The following RFX1 variants were observed in gnomAD, a reference collection of about 807,000 sequenced individuals.
RFX1 encodes regulatory factor X1.
Under a neutral mutation model 119.6 loss-of-function variants are expected in RFX1, and 42 were observed. The ratio of observed to expected loss-of-function variants is 0.35; its 90% CI spans 0.27 to 0.45. The LOEUF is 0.45. RFX1 is among the 20% of genes least tolerant of loss of function. The pLI is 1.00. For missense variants in RFX1, 1,118 were observed against 1,368.1 expected, an observed-to-expected ratio of 0.82 and a Z score of 2.88; for synonymous variants, 628 against 618.5, an observed-to-expected ratio of 1.02 and a Z score of -0.23.
chr19:13,996,410 G>A (rs755690219), intron 1 of RFX1, among the ~76,000 whole-genome samples: 5 of 152,228 alleles, frequency 3.3e-5, no homozygotes, highest in Non-Finnish European at 7.3e-5. Context: ...GCACCCATGT[G>A]CCACGATGTG....
chr19:13,990,183 G>A lies in RFX1; in HGVS notation c.319+3342C>T, dbSNP rs1292834070. ...GGGAGAACTACAGGAGCTAAGAGAG[G>A]TTCCCAGGTCTGAGTCTGGGGCTCC... On this transcript the variant is annotated intron_variant, in intron 2 of 20. Coordinates refer to ENST00000254325, the MANE Select transcript of RFX1 (RefSeq NM_002918.5). This position sits in a 1 kb window ranked among gnomAD's most constrained non-coding sequence, Gnocchi z 4.1. Among the ~76,000 whole-genome samples, 1 of 152,142 alleles carries A rather than the reference G, an allele frequency of 6.6e-6. No individual in the cohort carries two copies. Among genetic ancestry groups the A allele is most frequent in the Non-Finnish European group, 1.5e-5 (1 of 68,038 alleles).
In RFX1 at chr19:13,969,898, C is replaced by A. The variant is rs138556186; in HGVS notation, c.1496+96G>T. ...CCTCGCAGAGGCCGGCGGGACTGGG[C>A]TGGACTGGACTGCCTGAGATGACTC... On this transcript the variant is annotated intron_variant, in intron 10 of 20. Transcript: ENST00000254325. This position sits in a 1 kb window ranked among gnomAD's most constrained non-coding sequence, Gnocchi z 4.5. The A allele has an allele frequency of 9.8e-4, 1,270 of 1,299,896 alleles. No individual in the cohort carries two copies. Among genetic ancestry groups the A allele is most frequent in the Admixed American group, 1.2e-3 (48 of 39,374 alleles). 80.5% of individuals were successfully genotyped at this position (1,299,896 alleles called of 1,614,324 possible).
chr19:13,998,999 G>C (rs563365684), intron 1 of RFX1, among the ~76,000 whole-genome samples: 6 of 152,262 alleles, frequency 3.9e-5, no homozygotes, highest in African/African-American at 1.4e-4. Flanking sequence ...GTGGGAGATC[G>C]AGGAACAACT....
rs1250179599 is a variant in RFX1, at chr19:13,980,012, C to T, written c.739-470G>A. Among the ~76,000 whole-genome samples the T allele has an allele frequency of 6.6e-6, 1 of 151,664 alleles. No individual in the cohort carries two copies. The highest frequency in any genetic ancestry group is 1.5e-5 in the Non-Finnish European group (1 of 67,900). On this transcript the variant is annotated intron_variant, in intron 6 of 20. Coordinates refer to ENST00000254325, the MANE Select transcript of RFX1 (RefSeq NM_002918.5). The surrounding 1 kb of genome is among the most constrained non-coding windows in gnomAD (Gnocchi z 5.1). ...GGTTCGGGGGGGCTCTAGTGCCAGG[C>T]GGGGGAGTATCTGTGAAACCTCTGG...
intron 8 of RFX1, among the ~76,000 whole-genome samples, chr19:13,976,819 C>T (rs367586148): frequency 5.3e-5 from 8 of 151,618 alleles, no homozygotes; most frequent in Admixed American, 2.0e-4. Context: ...GCCTGGGCAA[C>T]GTGGCAAAAC....
chr19:13,967,327 A>G (rs1973934832), intron 12 of RFX1, among the ~76,000 whole-genome samples: 4 of 149,784 alleles, frequency 2.7e-5, no homozygotes, highest in Admixed American at 2.7e-4. Context: ...GTTTTCATGG[A>G]TTGTTGTTTA....
intron 1 of RFX1, among the ~76,000 whole-genome samples, chr19:13,994,930 ATATATAT>A (rs1974955023): frequency 1.0e-4 from 12 of 116,998 alleles, no homozygotes; most frequent in African/African-American, 3.7e-4. Flanking sequence ...ATATATATAT[ATATATAT>A]AATCATTTTT....
chr19:13,963,022 G>A lies in RFX1; in HGVS notation c.2742C>T (p.Thr914=), dbSNP rs781517197. Residue 914 remains threonine (T), a synonymous_variant, in exon 20 of 21, where the codon ACC becomes ACT. Transcript: ENST00000254325. The part of the protein sequence containing the change: ...AVMGEFANLA[T]SLNPLDPDKD... The stretch of plus-strand genomic sequence containing the variant: ...TGTCGGGGTCCAGGGGGTTCAGGGA[G>A]GTGGCCAGATTGGCGAACTGGAGGA... The A allele has an allele frequency of 2.6e-5, 40 of 1,556,150 alleles. No homozygotes were observed. The highest frequency in any genetic ancestry group is 5.2e-6 in the Non-Finnish European group (6 of 1,149,626).
At chr19:14,006,438 C>G (rs73519607), upstream of RFX1, 43 of 152,374 alleles carry the variant, frequency 2.8e-4, no homozygotes, top group African/African-American at 1.0e-3. Flanking sequence ...TTCCGATGCA[C>G]GCTTTTCAAC....
Position 13,968,534 on chromosome 19 carries a change from G to T in RFX1, c.1732+31C>A. On this transcript the variant is annotated intron_variant, in intron 12 of 20. Transcript: ENST00000254325. The surrounding 1 kb of genome is among the most constrained non-coding windows in gnomAD (Gnocchi z 5.5). ...GTCTGCACGGGGCAGGGAGGCGGTG[G>T]TTGGGGAAGCACGGGCCAGGGAGCT... 6.4e-7 allele frequency: 1 copy of T among 1,556,208 alleles called. No individual in the cohort carries two copies. Among genetic ancestry groups the T allele is most frequent in the Non-Finnish European group, 8.9e-7 (1 of 1,128,164 alleles).
In RFX1 at chr19:13,983,576, G is replaced by A. The variant is rs1208165047; in HGVS notation, c.339C>T (p.Ser113=). The A allele has an allele frequency of 3.7e-6, 6 of 1,606,382 alleles. No individual in the cohort carries two copies. The highest frequency in any genetic ancestry group is 2.2e-5 in the East Asian group (1 of 44,728). Residue 113 remains serine (S), a synonymous_variant, in exon 3 of 21, where the codon AGC becomes AGT. Coordinates refer to ENST00000254325, the MANE Select transcript of RFX1 (RefSeq NM_002918.5). ...CGGGGCTGGCCTCCGACACTGTCTCGCTGGCCCGCATGGCACCTTCTGTGG... is the reference window on the plus strand; with the variant it reads ...CGGGGCTGGCCTCCGACACTGTCTCACTGGCCCGCATGGCACCTTCTGTGG... ...VTVSEGAMRA[S]ETVSEASPGS...
At chr19:13,989,137 G>A (rs986113752) in intron 2 of RFX1, among the ~76,000 whole-genome samples, 2 of 152,082 alleles carry the variant, frequency 1.3e-5, no homozygotes, top group Non-Finnish European at 2.9e-5. Context: ...CAAGCTCCCA[G>A]AGGGTCTGGG....
chr19:13,963,743 G>C lies in RFX1; in HGVS notation c.2365C>G (p.Gln789Glu), dbSNP rs1199963737. Residue 789 changes from glutamine (Q) to glutamate (E), a missense_variant, in exon 18 of 21, where the codon CAG (glutamine) becomes GAG (glutamate). Coordinates refer to ENST00000254325, the MANE Select transcript of RFX1 (RefSeq NM_002918.5). ...TCGCAGCGGCACACCCACGAGGCCT[G>C]CTCCTGGGGCACAGAGGGTGGGCGG... ...NRVDFANVQE[Q>E]ASWVCRCEDR... The C allele has an allele frequency of 1.9e-6, 3 of 1,582,024 alleles. No homozygotes were observed. Among genetic ancestry groups the C allele is most frequent in the Non-Finnish European group, 2.6e-6 (3 of 1,165,860 alleles).
Position 13,985,092 on chromosome 19 carries a change from A to G in RFX1, c.320-1497T>C, listed in dbSNP as rs1818453692. On this transcript the variant is annotated intron_variant, in intron 2 of 20. Transcript: ENST00000254325. The surrounding 1 kb of genome is among the most constrained non-coding windows in gnomAD (Gnocchi z 4.3). ...GCCCAGGCTGGTCTCGAACTCTTGG[A>G]CTCAAGCAATCCACCTGCTTCCATC... 6.6e-6 allele frequency among the ~76,000 whole-genome samples: 1 copy of G among 151,832 alleles called. No homozygotes were observed. Among genetic ancestry groups the G allele is most frequent in the African/African-American group, 2.4e-5 (1 of 41,280 alleles).
At chr19:13,981,958 G>C (rs1221335343) in intron 5 of RFX1, among the ~76,000 whole-genome samples, 163 bp downstream of exon 5, 79 of 152,344 alleles carry the variant, frequency 5.2e-4, no homozygotes, top group Non-Finnish European at 2.2e-4. Flanking sequence ...ACCCTACCTG[G>C]GGTCAACAAG....
intron 2 of RFX1, among the ~76,000 whole-genome samples, chr19:13,989,978 G>T (rs1974747975): frequency 6.6e-6 from 1 of 152,108 alleles, no homozygotes; most frequent in African/African-American, 2.4e-5. Flanking sequence ...TTGAAGGAGA[G>T]ATTTGAAGAG....
At chr19:13,996,299 G>A (rs934352103) in intron 1 of RFX1, among the ~76,000 whole-genome samples, 2 of 152,216 alleles carry the variant, frequency 1.3e-5, no homozygotes, top group African/African-American at 4.8e-5. Context: ...GCCCCAGAAG[G>A]CATTTGGGTC....
intron 8 of RFX1, among the ~76,000 whole-genome samples, chr19:13,975,414 G>A (rs1974224953): frequency 6.6e-6 from 1 of 152,022 alleles, no homozygotes; most frequent in Non-Finnish European, 1.5e-5. Flanking sequence ...TCAGTCAAGA[G>A]GTGGCCTGGC....
Position 13,972,984 on chromosome 19 carries a change from A to T in RFX1, c.1073T>A (p.Met358Lys), listed in dbSNP as rs1178625765. ...GACGACCTGGCTGCCGGACACGTAC[A>T]TGGGCATGGAGCCACTGCTGGCCAC... Reference protein sequence around the residue: ...QAVASSGSMPMYVSGSQVVAS... With the variant: ...QAVASSGSMPKYVSGSQVVAS... Residue 358 changes from methionine (M) to lysine (K), a missense_variant, in exon 9 of 21, where the codon ATG becomes AAG. This residue lies in a region of RFX1 where 542 missense variants were observed against 602.7 expected (regional missense o/e 0.90). Coordinates refer to ENST00000254325, the MANE Select transcript of RFX1 (RefSeq NM_002918.5). 1.9e-6 allele frequency: 3 copies of T among 1,600,140 alleles called. No individual in the cohort carries two copies. Among genetic ancestry groups the T allele is most frequent in the South Asian group, 2.2e-5 (2 of 91,028 alleles).
Sources: allele counts gnomAD v4.1 joint callset (sites outside exome capture counted in the v4.1 genomes callset), GRCh38; gene constraint gnomAD v4.1.1; regional missense constraint gnomAD v4.1.1; non-coding constraint Gnocchi (gnomAD v3.1); transcripts MANE v1.5; gene names NCBI Gene and HGNC (gene_info 2026-07-23, HGNC 2026-07-21).